NHLRC2: variants seen among roughly 807,000 people sequenced by gnomAD.
The protein encoded by NHLRC2 is NHL repeat containing 2.
Under a neutral mutation model 68.1 loss-of-function variants are expected in NHLRC2, and 33 were observed. That is an observed-to-expected ratio of 0.48 (90% CI 0.37 to 0.65). NHLRC2 has a LOEUF of 0.65. Ranked by LOEUF, NHLRC2 falls within the 30% of genes least tolerant of loss-of-function variation. NHLRC2 has a pLI of 0.00. For missense variants in NHLRC2, 761 were observed against 853.8 expected, an observed-to-expected ratio of 0.89 and a Z score of 1.35; for synonymous variants, 311 against 309.6, an observed-to-expected ratio of 1.00 and a Z score of -0.05.
At chr10:113,880,081 G>A (rs1846023040) in intron 4 of NHLRC2, among the ~76,000 whole-genome samples, 1 of 151,830 alleles carries the variant, frequency 6.6e-6, no homozygotes, top group African/African-American at 2.4e-5. Flanking sequence ...TTATGCTTTG[G>A]CTGGAAATAC....
At chr10:113,892,172 T>A (rs1468254215) in intron 5 of NHLRC2, among the ~76,000 whole-genome samples, 2 of 152,304 alleles carry the variant, frequency 1.3e-5, no homozygotes, top group Middle Eastern at 3.4e-3. Flanking sequence ...TAGTCATAGG[T>A]ACTTAAAATG....
At position 113,899,952 on chromosome 10, in the gene NHLRC2, G is replaced by A. The variant is rs138249024; in HGVS notation, c.1140-1714G>A. ...AAAATTGAAATTGTTCCTTATATAA[G>A]TAAGAGGAAGACGCAACATCAGTAA... On this transcript the variant is annotated intron_variant, in intron 6 of 10. Transcript: ENST00000369301. Among the ~76,000 whole-genome samples the A allele has an allele frequency of 5.1e-3, 780 of 152,102 alleles. 3 individuals carry two copies. Among genetic ancestry groups the A allele is most frequent in the Non-Finnish European group, 9.2e-3 (623 of 67,986 alleles).
chr10:113,877,296 T>TA (rs1038858707), intron 3 of NHLRC2, among the ~76,000 whole-genome samples: 7 of 151,810 alleles, frequency 4.6e-5, no homozygotes, highest in Non-Finnish European at 1.0e-4. Context: ...TATGAAAACA[T>TA]ACGTTTTGGA....
At position 113,858,187 on chromosome 10, in the gene NHLRC2, C is replaced by T. The variant is rs543843480; in HGVS notation, c.179-341C>T. Reference sequence around the variant, plus strand: ...AGCAGCTTTCCCATCCTCTACTCCTCCTGCTCCCCCACCCGTACCCCCATC... The same window carrying T: ...AGCAGCTTTCCCATCCTCTACTCCTTCTGCTCCCCCACCCGTACCCCCATC... On this transcript the variant is annotated intron_variant, in intron 1 of 10. Transcript: ENST00000369301. Among the ~76,000 whole-genome samples, 7 of 151,990 alleles carry T rather than the reference C, an allele frequency of 4.6e-5. 1 individual carries two copies. The South Asian group carries it at 1.5e-3, about 32-fold the overall frequency.
At position 113,910,998 on chromosome 10, in the gene NHLRC2, A is replaced by C. The variant is rs1408160119; in HGVS notation, c.*2462A>C. On this transcript the variant is annotated 3_prime_UTR_variant, in exon 11 of 11. Coordinates refer to ENST00000369301, the MANE Select transcript of NHLRC2 (RefSeq NM_198514.4). ...CTCTCACATAAGAGGAAGCACTAGA[A>C]AGTTTATTTTTAAAACTTGTTGATC... 4 of 152,216 alleles carry C rather than the reference A, an allele frequency of 2.6e-5. No individual in the cohort carries two copies. Among genetic ancestry groups the C allele is most frequent in the Non-Finnish European group, 5.9e-5 (4 of 68,008 alleles). 9.4% of individuals were successfully genotyped at this position (152,216 alleles called of 1,614,324 possible).
intron 3 of NHLRC2, among the ~76,000 whole-genome samples, chr10:113,879,313 G>T (rs976447465): frequency 6.6e-6 from 1 of 152,056 alleles, no homozygotes; most frequent in Non-Finnish European, 1.5e-5. Context: ...TGTAGTCTAG[G>T]TAATGGATAA....
At chr10:113,880,426 G>A (rs73345589) in intron 4 of NHLRC2, among the ~76,000 whole-genome samples, 9,736 of 151,260 alleles carry the variant, frequency 0.064, 997 homozygotes, top group African/African-American at 0.22. Context: ...AGATGTACTC[G>A]GTTATTTCAG....
At chr10:113,870,809 A>G (rs916329994) in intron 2 of NHLRC2, among the ~76,000 whole-genome samples, 7 of 152,150 alleles carry the variant, frequency 4.6e-5, no homozygotes, top group Non-Finnish European at 7.4e-5. Flanking sequence ...GTCTTGACAT[A>G]CTTTTTAATT....
chr10:113,858,444 A>G (rs1845782193), intron 1 of NHLRC2, 84 bp from the exon 2 acceptor site: 10 of 931,198 alleles, frequency 1.1e-5, no homozygotes, highest in Non-Finnish European at 1.5e-5. Context: ...AGTCTTAAAA[A>G]AAAAGGTCAC....
In NHLRC2 at chr10:113,904,911, G is replaced by A. The variant is rs1311025080; in HGVS notation, c.1799G>A (p.Ser600Asn). ...CCCAAACTACCTAAATCTGCTCCAA[G>A]CATTAGGCTTTCCCCCGTGACTGCG... ...TLPKLPKSAP[S>N]IRLSPVTACA... Residue 600 changes from serine to asparagine, a missense_variant, in exon 10 of 11, where the codon AGC becomes AAC. Transcript: ENST00000369301. The A allele has an allele frequency of 1.2e-6, 2 of 1,609,028 alleles. No homozygotes were observed. The highest frequency in any genetic ancestry group is 1.3e-5 in the African/African-American group (1 of 74,652).
intron 1 of NHLRC2, among the ~76,000 whole-genome samples, chr10:113,856,037 C>G (rs752701512): frequency 1.3e-5 from 2 of 152,144 alleles, no homozygotes; most frequent in Non-Finnish European, 2.9e-5. Flanking sequence ...CTTCTCCGTT[C>G]AAAGTCGTGA....
chr10:113,855,634 G>GTT (rs1554898819), intron 1 of NHLRC2, among the ~76,000 whole-genome samples: 1 of 151,098 alleles, frequency 6.6e-6, no homozygotes, highest in African/African-American at 2.5e-5. Context: ...CGCCTGGCTA[G>GTT]TTGTTTTGTT....
chr10:113,888,796 A>G (rs1846104621), intron 5 of NHLRC2, among the ~76,000 whole-genome samples: 1 of 150,558 alleles, frequency 6.6e-6, no homozygotes, highest in Non-Finnish European at 1.5e-5. Flanking sequence ...AAAGACGTTT[A>G]GCATAAAGGT....
intron 2 of NHLRC2, among the ~76,000 whole-genome samples, chr10:113,872,408 G>C (rs1292852752): frequency 6.6e-6 from 1 of 152,012 alleles, no homozygotes; most frequent in Non-Finnish European, 1.5e-5. Flanking sequence ...GAAAAAAGCA[G>C]ATCACATCTA....
At chr10:113,898,241 G>A (rs572089328) in intron 6 of NHLRC2, 32 bp downstream of exon 6, 37 of 1,336,988 alleles carry the variant, frequency 2.8e-5, no homozygotes, top group Non-Finnish European at 3.4e-5. Context: ...TGAGTAGACT[G>A]TACTACTTGG....
Position 113,910,441 on chromosome 10 carries a change from G to A in NHLRC2, c.*1905G>A, listed in dbSNP as rs1464567494. The A allele has an allele frequency of 6.6e-6, 1 of 152,208 alleles. No individual in the cohort carries two copies. The highest frequency in any genetic ancestry group is 2.4e-5 in the African/African-American group (1 of 41,442). The allele number at this position is 152,208 out of a possible 1,614,324, so 9.4% of individuals were successfully genotyped here. A position where few individuals can be genotyped will look rare whatever the true frequency, so the allele number is the denominator to read the frequency against. On this transcript the variant is annotated 3_prime_UTR_variant, in exon 11 of 11. Coordinates refer to ENST00000369301, the MANE Select transcript of NHLRC2 (RefSeq NM_198514.4). ...TGGTCCCAAACTCCTGGCCTCAGGT[G>A]ATCCGCCTGCCTCTGTCTCCCAAAG...
chr10:113,872,543 A>G (rs888575043), intron 2 of NHLRC2, among the ~76,000 whole-genome samples: 2 of 152,124 alleles, frequency 1.3e-5, no homozygotes, highest in Non-Finnish European at 2.9e-5. Context: ...ATTTAGGAAT[A>G]ATGAAAAAAA....
chr10:113,901,699 T>C lies in NHLRC2; in HGVS notation c.1173T>C (p.Ala391=). The part of the protein sequence containing the change: ...ELTKGTCLRF[A]GSGNEENRNN... ...CAAAAGGAACCTGCCTTAGGTTTGC[T>C]GGAAGTGGAAATGAAGAGAATCGAA... The change falls in exon 7 of 11, where the codon GCT becomes GCC. Residue 391 remains alanine, a synonymous_variant. Coordinates refer to ENST00000369301, the MANE Select transcript of NHLRC2 (RefSeq NM_198514.4). The C allele has an allele frequency of 5.6e-6, 9 of 1,614,166 alleles. No individual in the cohort carries two copies. The highest frequency in any genetic ancestry group is 7.6e-6 in the Non-Finnish European group (9 of 1,179,972).
rs767117759 is a variant in NHLRC2 at position 113,876,601 on chromosome 10, C to T, written c.412C>T (p.Arg138Ter). 6 of 1,613,444 alleles carry T rather than the reference C, an allele frequency of 3.7e-6. No individual in the cohort carries two copies. The highest frequency in any genetic ancestry group is 1.7e-5 in the Admixed American group (1 of 59,990). Residue 138 changes from arginine (R) to a stop codon, truncating the protein, a stop_gained, in exon 3 of 11, where the codon CGA (arginine) becomes TGA (stop). Transcript: ENST00000369301. LOFTEE classifies it high-confidence loss of function. Reference sequence around the variant, plus strand: ...GGATAACATTAAGAGTGCTGTTCTTCGATACAACATCACCCACCCTATGGT... The same window carrying T: ...GGATAACATTAAGAGTGCTGTTCTTTGATACAACATCACCCACCCTATGGT... ...VLDNIKSAVL[R>*]YNITHPMVND...
Sources: allele counts gnomAD v4.1 joint callset (sites outside exome capture counted in the v4.1 genomes callset), GRCh38; gene constraint gnomAD v4.1.1; transcripts MANE v1.5; gene names NCBI Gene and HGNC (gene_info 2026-07-23, HGNC 2026-07-21).